Variants in ARIH1 observed in about 807,000 individuals in gnomAD.
ARIH1 encodes the protein ariadne RBR E3 ubiquitin protein ligase 1, also known as E3 ubiquitin-protein ligase ARIH1.
Under a neutral mutation model 85.0 loss-of-function variants are expected in ARIH1, and 8 were observed. That is an observed-to-expected ratio of 0.09 (90% CI 0.06 to 0.17). The LOEUF is 0.17. Ranked by LOEUF, ARIH1 falls within the 10% of genes least tolerant of loss-of-function variation. ARIH1 has a pLI of 1.00. For missense variants in ARIH1, 311 were observed against 718.1 expected (o/e 0.43, Z 6.48); for synonymous variants, 238 against 253.6 (o/e 0.94, Z 0.59).
intron 2 of ARIH1, among the ~76,000 whole-genome samples, chr15:72,543,411 C>T (rs956591992): frequency 2.3e-4 from 35 of 152,280 alleles, no homozygotes; most frequent in African/African-American, 7.9e-4. Context: ...TTATCTGAAT[C>T]ATCAGAGACA....
At position 72,520,163 on chromosome 15, in the gene ARIH1, T is replaced by A. The variant is rs1408675743; in HGVS notation, c.443+2029T>A. Among the ~76,000 whole-genome samples the A allele has an allele frequency of 2.6e-5, 4 of 152,296 alleles. No homozygotes were observed. In the East Asian group the frequency reaches 7.7e-4, roughly 29 times the overall value. ...GTGTGAATTTAAATTAAAAGGAGGT[T>A]TCTGGGAAACTTCTGAGTATGTGAA... is the stretch of plus-strand genomic sequence containing the variant. On this transcript the variant is annotated intron_variant, in intron 2 of 13. Transcript: ENST00000379887.
intron 10 of ARIH1, 144 bp downstream of exon 10, chr15:72,570,451 C>T (rs1427341570): frequency 1.9e-6 from 2 of 1,039,624 alleles, no homozygotes; most frequent in Non-Finnish European, 2.7e-6. Flanking sequence ...TAAGTCTATG[C>T]AAGACATAGA....
At chr15:72,486,104 A>AT (rs949727843) in intron 1 of ARIH1, among the ~76,000 whole-genome samples, 218 of 151,550 alleles carry the variant, frequency 1.4e-3, no homozygotes, top group African/African-American at 5.1e-3. Flanking sequence ...TAAATTTTTA[A>AT]TTTTTTTTTC....
At chr15:72,572,689 C>G (rs996803308) in intron 11 of ARIH1, among the ~76,000 whole-genome samples, 1 of 152,160 alleles carries the variant, frequency 6.6e-6, no homozygotes, top group Non-Finnish European at 1.5e-5. Context: ...CACATTTTAG[C>G]TTTTGGTAGA....
intron 1 of ARIH1, among the ~76,000 whole-genome samples, chr15:72,484,105 A>G (rs1463049240): frequency 4.0e-5 from 6 of 151,484 alleles, no homozygotes; most frequent in African/African-American, 1.5e-4. Context: ...CCCAGGAGAC[A>G]GAGGTTGCAG....
rs1276475744 is a variant in ARIH1, at chr15:72,583,753, C to G, written c.*461C>G. 6.5e-6 allele frequency: 1 copy of G among 153,012 alleles called. No individual in the cohort carries two copies. Among genetic ancestry groups the G allele is most frequent in the Non-Finnish European group, 1.5e-5 (1 of 68,660 alleles). The allele number at this position is 153,012 out of a possible 1,614,324, so 9.5% of individuals were successfully genotyped here. A position where few individuals can be genotyped will look rare whatever the true frequency, so the allele number is the denominator to read the frequency against. On this transcript the variant is annotated 3_prime_UTR_variant, in exon 14 of 14. Coordinates refer to ENST00000379887, the MANE Select transcript of ARIH1 (RefSeq NM_005744.5). The stretch of plus-strand genomic sequence containing the variant: ...ACACACAGACTGACTCTCTTTCTCT[C>G]ATACCCCAAGGTCATGAGTGAATGA...
rs938279515 is a variant in ARIH1 at position 72,594,958 on chromosome 15, T to C, written c.*11666T>C. 4 of 152,092 alleles carry C rather than the reference T, an allele frequency of 2.6e-5. No individual in the cohort carries two copies. Among genetic ancestry groups the C allele is most frequent in the Admixed American group, 2.0e-4 (3 of 15,250 alleles). The allele number at this position is 152,092 out of a possible 1,614,324, so 9.4% of individuals were successfully genotyped here. On this transcript the variant is annotated 3_prime_UTR_variant, in exon 14 of 14. Coordinates refer to ENST00000379887, the MANE Select transcript of ARIH1 (RefSeq NM_005744.5). ...TTTAATGTTTCATCACTAAGTATAATGTTAACTGTAAGTTTTTCACAGACC... is the reference window on the plus strand; with the variant it reads ...TTTAATGTTTCATCACTAAGTATAACGTTAACTGTAAGTTTTTCACAGACC...
chr15:72,586,997 C>A lies in ARIH1; in HGVS notation c.*3705C>A. The A allele has an allele frequency of 2.9e-6, 1 of 343,818 alleles. No homozygotes were observed. Among genetic ancestry groups the A allele is most frequent in the Non-Finnish European group, 5.6e-6 (1 of 179,210 alleles). The allele number at this position is 343,818 out of a possible 1,614,324, so 21.3% of individuals were successfully genotyped here. ...TAAAGAAGGTCCCAAAGTTGAAGAT[C>A]GTTTGTCATTGATACTCTGGCCAAG... is the stretch of plus-strand genomic sequence containing the variant. On this transcript the variant is annotated 3_prime_UTR_variant, in exon 14 of 14. Coordinates refer to ENST00000379887, the MANE Select transcript of ARIH1 (RefSeq NM_005744.5).
chr15:72,526,386 T>C (rs1203068915), intron 2 of ARIH1, among the ~76,000 whole-genome samples: 1 of 152,182 alleles, frequency 6.6e-6, no homozygotes, highest in Non-Finnish European at 1.5e-5. Context: ...GTCTGTAGTT[T>C]AAACAAATTT....
chr15:72,537,535 A>C (rs892083963), intron 2 of ARIH1, among the ~76,000 whole-genome samples: 3 of 152,198 alleles, frequency 2.0e-5, no homozygotes, highest in African/African-American at 7.2e-5. Flanking sequence ...TAAGACAGTC[A>C]TCTTCATACC....
At chr15:72,532,102 A>G (rs918501427) in intron 2 of ARIH1, among the ~76,000 whole-genome samples, 4 of 152,176 alleles carry the variant, frequency 2.6e-5, no homozygotes, top group Non-Finnish European at 5.9e-5. Flanking sequence ...ACAAGGAAAG[A>G]AATAAAGAAC....
intron 2 of ARIH1, among the ~76,000 whole-genome samples, chr15:72,522,094 A>G (rs1465943953): frequency 6.6e-6 from 1 of 152,106 alleles, no homozygotes; most frequent in Admixed American, 6.5e-5. Flanking sequence ...TTTTTGCTTT[A>G]TCTCTCGGTT....
At chr15:72,533,886 G>T (rs1044246047) in intron 2 of ARIH1, among the ~76,000 whole-genome samples, 1 of 152,066 alleles carries the variant, frequency 6.6e-6, no homozygotes, top group Non-Finnish European at 1.5e-5. Context: ...CAACCTGGGC[G>T]ACAGAGTGAG....
At chr15:72,530,304 T>TC (rs889236970) in intron 2 of ARIH1, among the ~76,000 whole-genome samples, 16 of 152,192 alleles carry the variant, frequency 1.1e-4, no homozygotes, top group Non-Finnish European at 2.4e-4. Context: ...GAAACAAGCT[T>TC]CCAGTCCTTG....
intron 1 of ARIH1, among the ~76,000 whole-genome samples, chr15:72,482,769 G>A (rs1232304971): frequency 6.6e-6 from 1 of 151,842 alleles, no homozygotes; most frequent in Non-Finnish European, 1.5e-5. Flanking sequence ...GCTTACCTGG[G>A]GGCCTCTGGC....
chr15:72,530,218 T>A lies in ARIH1; in HGVS notation c.443+12084T>A, dbSNP rs2064049800. The stretch of plus-strand genomic sequence containing the variant: ...GAAATACTGAAACATGTTTGAAAAG[T>A]AAGATTATCAAATAATTAGTAAGAT... On this transcript the variant is annotated intron_variant, in intron 2 of 13. Coordinates refer to ENST00000379887, the MANE Select transcript of ARIH1 (RefSeq NM_005744.5). 4.6e-5 allele frequency among the ~76,000 whole-genome samples: 7 copies of A among 152,182 alleles called. No individual in the cohort carries two copies. In the South Asian group the frequency reaches 1.4e-3, roughly 32 times the overall value.
At chr15:72,506,869 T>G (rs2063928138) in intron 1 of ARIH1, among the ~76,000 whole-genome samples, 1 of 152,134 alleles carries the variant, frequency 6.6e-6, no homozygotes, top group Non-Finnish European at 1.5e-5. Flanking sequence ...GTTTTTTTAC[T>G]TAGCTTTATC....
intron 5 of ARIH1, 114 bp from the exon 6 acceptor site, chr15:72,561,369 C>A: frequency 1.4e-6 from 1 of 710,860 alleles, no homozygotes; most frequent in Non-Finnish European, 2.5e-6. Flanking sequence ...GTATTTACAG[C>A]TTAGGGCATA....
At chr15:72,563,358 C>CA (rs1259947971) in intron 6 of ARIH1, 36 bp from the exon 7 acceptor site, 1 of 1,577,060 alleles carries the variant, frequency 6.3e-7, no homozygotes, top group African/African-American at 1.3e-5. Context: ...TGTGCCCAGC[C>CA]AGCTGTCATT....
Sources: allele counts gnomAD v4.1 joint callset (sites outside exome capture counted in the v4.1 genomes callset), GRCh38; gene constraint gnomAD v4.1.1; transcripts MANE v1.5; gene names NCBI Gene and HGNC (gene_info 2026-07-23, HGNC 2026-07-21).